Variants in NANOS3 observed in about 807,000 individuals in gnomAD.
The protein encoded by NANOS3 is nanos C2HC-type zinc finger 3.
Under a neutral mutation model 13.8 loss-of-function variants are expected in NANOS3, and 11 were observed. The ratio of observed to expected loss-of-function variants is 0.80; its 90% CI spans 0.50 to 1.32. NANOS3 has a LOEUF of 1.32. Among genes scored for constraint, NANOS3 ranks in the 40% most tolerant of loss-of-function variants. The pLI is 0.00. For synonymous variants in NANOS3, 119 were observed against 115.4 expected, an observed-to-expected ratio of 1.03 and a Z score of -0.20; for missense variants, 221 against 263.8, an observed-to-expected ratio of 0.84 and a Z score of 1.12.
upstream of NANOS3, among the ~76,000 whole-genome samples, chr19:13,864,649 C>T (rs1976204371): frequency 6.6e-6 from 1 of 152,128 alleles, no homozygotes; most frequent in Admixed American, 6.5e-5. Context: ...TATCTCAGGT[C>T]TGTGGATACC....
chr19:13,863,021 C>T (rs1450148871), upstream of NANOS3, among the ~76,000 whole-genome samples: 1 of 152,242 alleles, frequency 6.6e-6, no homozygotes, highest in Non-Finnish European at 1.5e-5. Context: ...GAACTCTACC[C>T]TGGGCCCACC....
At chr19:13,878,818 T>A (rs954822476) in intron 1 of NANOS3, among the ~76,000 whole-genome samples, 1 of 151,696 alleles carries the variant, frequency 6.6e-6, no homozygotes. Flanking sequence ...GGTCTTACTA[T>A]GTTTCCCAGG....
At chr19:13,862,601 C>T (rs1162833482), upstream of NANOS3, among the ~76,000 whole-genome samples, 2 of 151,948 alleles carry the variant, frequency 1.3e-5, no homozygotes, top group African/African-American at 4.8e-5. Context: ...TGCAGTGGCA[C>T]AATCTCGGCT....
chr19:13,862,398 A>G (rs996251775), upstream of NANOS3, among the ~76,000 whole-genome samples: 1 of 152,092 alleles, frequency 6.6e-6, no homozygotes, highest in African/African-American at 2.4e-5. Flanking sequence ...GCCGGCCTCC[A>G]CAGCTGGGAG....
upstream of NANOS3, among the ~76,000 whole-genome samples, chr19:13,875,884 G>A (rs531894198): frequency 3.6e-4 from 55 of 152,236 alleles, no homozygotes; most frequent in Admixed American, 1.0e-3. Flanking sequence ...GCGGCACAGC[G>A]TCTCTCCTCT....
chr19:13,879,870 C>G (rs973010431), intron 1 of NANOS3, among the ~76,000 whole-genome samples: 4 of 152,080 alleles, frequency 2.6e-5, no homozygotes, highest in African/African-American at 9.7e-5. Context: ...ACTGAAAATA[C>G]AAAAAATTAA....
chr19:13,878,070 G>T (rs528620577), intron 1 of NANOS3, among the ~76,000 whole-genome samples: 1 of 151,168 alleles, frequency 6.6e-6, no homozygotes, highest in Non-Finnish European at 1.5e-5. Flanking sequence ...CACCACACCC[G>T]GCTAATTGCC....
chr19:13,880,021 G>A (rs567157571), intron 1 of NANOS3, among the ~76,000 whole-genome samples: 11 of 152,214 alleles, frequency 7.2e-5, no homozygotes, highest in African/African-American at 1.9e-4. Context: ...GTGAGACTCC[G>A]TCTCACAAAA....
upstream of NANOS3, among the ~76,000 whole-genome samples, chr19:13,875,902 A>C (rs1043335347): frequency 6.6e-6 from 1 of 152,134 alleles, no homozygotes; most frequent in Non-Finnish European, 1.5e-5. Flanking sequence ...TCTGTGTCCA[A>C]GTCCTGAGCA....
upstream of NANOS3, among the ~76,000 whole-genome samples, chr19:13,864,816 G>A (rs1976206894): frequency 6.6e-6 from 1 of 151,976 alleles, no homozygotes; most frequent in Non-Finnish European, 1.5e-5. Flanking sequence ...GGTGCCCCCG[G>A]GTGTCCCTCT....
upstream of NANOS3, among the ~76,000 whole-genome samples, chr19:13,864,249 G>T (rs1976198037): frequency 6.6e-6 from 1 of 152,104 alleles, no homozygotes; most frequent in African/African-American, 2.4e-5. Flanking sequence ...TCTGTGCAAG[G>T]ATCTTTGGGA....
At chr19:13,867,268 A>C (rs1976256350) in intron 1 of NANOS3, among the ~76,000 whole-genome samples, 2 of 151,972 alleles carry the variant, frequency 1.3e-5, no homozygotes, top group African/African-American at 4.8e-5. Flanking sequence ...TTTTTGAGAC[A>C]GGGTCTCACT....
intron 1 of NANOS3, among the ~76,000 whole-genome samples, chr19:13,879,151 G>T (rs1968579226): frequency 6.6e-6 from 1 of 151,202 alleles, no homozygotes; most frequent in Admixed American, 6.6e-5. Flanking sequence ...TCTTGGCCAG[G>T]CTGAGTCTTG....
intron 1 of NANOS3, 102 bp from the exon 2 acceptor site, chr19:13,880,340 C>T (rs1456305884): frequency 1.9e-5 from 21 of 1,078,330 alleles, no homozygotes; most frequent in Non-Finnish European, 2.8e-5. Flanking sequence ...CCCTGGGTGG[C>T]GCCAGAGGTC....
Position 13,877,197 on chromosome 19 carries a change from G to A in NANOS3, c.-52G>A, listed in dbSNP as rs967236929. On this transcript the variant is annotated 5_prime_UTR_variant, in exon 1 of 2. Transcript: ENST00000339133. Reference sequence around the variant, plus strand: ...GTCAGAAGGAGGGAGCTTAAGCCAGGCAGGGTTACTTGTCTCTGTGACTCC... The same window carrying A: ...GTCAGAAGGAGGGAGCTTAAGCCAGACAGGGTTACTTGTCTCTGTGACTCC... 20 of 1,492,770 alleles carry A rather than the reference G, an allele frequency of 1.3e-5. No individual in the cohort carries two copies. The South Asian group carries it at 1.9e-4, about 15-fold the overall frequency. The allele number at this position is 1,492,770 out of a possible 1,614,324, so 92.5% of individuals were successfully genotyped here.
upstream of NANOS3, among the ~76,000 whole-genome samples, chr19:13,875,767 C>T (rs529775896): frequency 1.3e-5 from 2 of 152,202 alleles, no homozygotes; most frequent in South Asian, 4.1e-4. Context: ...CCAGGCTGGT[C>T]TCCAACTCCT....
upstream of NANOS3, among the ~76,000 whole-genome samples, chr19:13,872,421 C>A (rs953668204): frequency 6.6e-6 from 1 of 151,744 alleles, no homozygotes; most frequent in Non-Finnish European, 1.5e-5. Context: ...AACTTCTGGG[C>A]TCCAGCCATC....
upstream of NANOS3, among the ~76,000 whole-genome samples, chr19:13,877,007 A>G (rs1194704815): frequency 1.3e-5 from 2 of 152,146 alleles, no homozygotes; most frequent in African/African-American, 4.8e-5. Context: ...GAGGCCATAC[A>G]GCCCTTTAGG....
upstream of NANOS3, among the ~76,000 whole-genome samples, chr19:13,876,926 G>A (rs150758996): frequency 2.6e-5 from 4 of 152,226 alleles, no homozygotes; most frequent in South Asian, 2.1e-4. Context: ...AGGTGTGTAC[G>A]GGGGGCTGTG....
Sources: gnomAD v4.1 joint callset for allele counts (sites outside exome capture counted in the v4.1 genomes callset) on GRCh38, gnomAD v4.1.1 for gene constraint, MANE v1.5 for transcripts, NCBI Gene and HGNC (gene_info 2026-07-23, HGNC 2026-07-21) for gene names.